The following ADAMTSL1 variants were observed in gnomAD, a reference collection of about 807,000 sequenced individuals.
ADAMTSL1 encodes the protein ADAMTS-like protein 1.
ADAMTSL1 carries 126 observed loss-of-function variants against 201.8 expected under a neutral mutation model. The observed-to-expected ratio is 0.62, with a 90% confidence interval of 0.54 to 0.72. ADAMTSL1 has a LOEUF of 0.72. Among genes scored for constraint, ADAMTSL1 ranks in the 30% least tolerant of loss-of-function variants. The pLI, the probability that ADAMTSL1 is intolerant of heterozygous loss-of-function variation, is 0.00. For synonymous variants in ADAMTSL1, 1,121 were observed against 903.4 expected (o/e 1.24, Z -4.32); for missense variants, 2,679 against 2,277.8 (o/e 1.18, Z -3.59).
chr9:18,327,385 A>T (rs999309609), intron 2 of ADAMTSL1, among the ~76,000 whole-genome samples: 6 of 152,260 alleles, frequency 3.9e-5, no homozygotes, highest in African/African-American at 4.8e-5. Flanking sequence ...CCCTATGGGC[A>T]TACTTTCTCT....
intron 1 of ADAMTSL1, among the ~76,000 whole-genome samples, chr9:17,920,741 A>T (rs1047348438): frequency 2.0e-5 from 3 of 152,210 alleles, no homozygotes; most frequent in Non-Finnish European, 4.4e-5. Context: ...AAAGGGAAAT[A>T]GTGTAAATGT....
intron 1 of ADAMTSL1, among the ~76,000 whole-genome samples, chr9:18,008,902 G>C (rs757827158): frequency 1.3e-5 from 2 of 151,946 alleles, no homozygotes; most frequent in Admixed American, 1.3e-4. Context: ...AATTTGCTTT[G>C]TTTCACTGTT....
intron 3 of ADAMTSL1, among the ~76,000 whole-genome samples, chr9:18,563,426 C>G (rs558998505): frequency 6.6e-6 from 1 of 152,294 alleles, no homozygotes; most frequent in Admixed American, 6.5e-5. Context: ...AGCTGGAGCT[C>G]TCCTATATGA....
intron 13 of ADAMTSL1, among the ~76,000 whole-genome samples, chr9:18,699,031 A>G (rs560816711): frequency 3.2e-4 from 48 of 152,356 alleles, no homozygotes; most frequent in East Asian, 7.7e-4. Flanking sequence ...AAGAGCCAGT[A>G]GTCTCTGGAT....
intron 15 of ADAMTSL1, among the ~76,000 whole-genome samples, chr9:18,753,009 A>G (rs1588045461): frequency 6.6e-6 from 1 of 152,202 alleles, no homozygotes; most frequent in Non-Finnish European, 1.5e-5. Flanking sequence ...TCTTATTTTG[A>G]TGAAGTTTAT....
At chr9:18,341,629 GTATT>G (rs894484846) in intron 2 of ADAMTSL1, among the ~76,000 whole-genome samples, 4 of 152,098 alleles carry the variant, frequency 2.6e-5, no homozygotes, top group African/African-American at 4.8e-5. Context: ...TATTTAATAA[GTATT>G]TAGTTGAATA....
chr9:18,217,926 G>T (rs1302939952), intron 2 of ADAMTSL1, among the ~76,000 whole-genome samples: 2 of 152,088 alleles, frequency 1.3e-5, no homozygotes, highest in African/African-American at 2.4e-5. Flanking sequence ...GGGAGTGGGG[G>T]TAAGGGTGTC....
intron 15 of ADAMTSL1, among the ~76,000 whole-genome samples, chr9:18,747,668 A>G (rs1819227065): frequency 6.6e-6 from 1 of 152,154 alleles, no homozygotes; most frequent in Non-Finnish European, 1.5e-5. Flanking sequence ...TCATTTAAGT[A>G]CGATATAAAT....
chr9:18,113,519 G>A (rs1041820944), intron 1 of ADAMTSL1, among the ~76,000 whole-genome samples: 1 of 152,176 alleles, frequency 6.6e-6, no homozygotes, highest in East Asian at 1.9e-4. Flanking sequence ...TTGAGCTAGA[G>A]CAGAAAGAAA....
intron 2 of ADAMTSL1, among the ~76,000 whole-genome samples, chr9:18,399,974 T>C (rs1430730368): frequency 6.6e-6 from 1 of 152,284 alleles, no homozygotes; most frequent in East Asian, 1.9e-4. Context: ...TTAGATATAC[T>C]GTAGCACTGA....
Position 18,661,975 on chromosome 9 carries a change from C to T in ADAMTSL1, c.987C>T (p.Ser329=). ...CGGCTGAGTGCTACGATCTGAGGAG[C>T]AACCGTGTGGTTGCTGACCAATACT... ...LTSAECYDLR[S]NRVVADQYCH... The change falls in exon 9 of 29, where the codon AGC becomes AGT. Residue 329 remains serine (S), a synonymous_variant. Coordinates refer to ENST00000380548, the MANE Select transcript of ADAMTSL1 (RefSeq NM_001040272.6). 6.2e-7 allele frequency: 1 copy of T among 1,614,032 alleles called. No homozygotes were observed. The highest frequency in any genetic ancestry group is 8.5e-7 in the Non-Finnish European group (1 of 1,179,932).
intron 2 of ADAMTSL1, among the ~76,000 whole-genome samples, chr9:18,523,472 T>G (rs1818830826): frequency 1.3e-5 from 2 of 152,228 alleles, no homozygotes; most frequent in South Asian, 4.1e-4. Flanking sequence ...AGTTCTGGCT[T>G]TTGTTGCCAC....
Position 18,106,210 on chromosome 9 carries a change from C to T in ADAMTSL1, c.88-57652C>T, listed in dbSNP as rs1435177458. On this transcript the variant is annotated intron_variant, in intron 1 of 29. Coordinates refer to the ADAMTSL1 transcript ENST00000680146. ...GCCCCCTAACTTGCATCTTGTTCTC[C>T]CTGCTTCTGAATGAAAGCAGCTAAC... Among the ~76,000 whole-genome samples the T allele has an allele frequency of 3.3e-5, 5 of 152,156 alleles. No homozygotes were observed. The South Asian group carries it at 6.2e-4, about 19-fold the overall frequency.
chr9:18,473,605 A>G (rs1821307003), upstream of ADAMTSL1, among the ~76,000 whole-genome samples: 1 of 152,172 alleles, frequency 6.6e-6, no homozygotes, highest in Admixed American at 6.5e-5. Context: ...GTAAAGAGGA[A>G]CTTTATGGAG....
intron 2 of ADAMTSL1, among the ~76,000 whole-genome samples, chr9:18,419,527 C>T (rs1183709698): frequency 6.6e-6 from 1 of 152,072 alleles, no homozygotes; most frequent in African/African-American, 2.4e-5. Flanking sequence ...CCTTCATAAG[C>T]ACCCCAAAAT....
chr9:18,369,478 A>G (rs181838597), intron 2 of ADAMTSL1, among the ~76,000 whole-genome samples: 3 of 152,326 alleles, frequency 2.0e-5, no homozygotes, highest in Non-Finnish European at 2.9e-5. Context: ...TCAAAAAACA[A>G]CAAGTGTTGG....
intron 1 of ADAMTSL1, among the ~76,000 whole-genome samples, chr9:18,160,847 ATTTTTT>A (rs35532729): frequency 1.7e-5 from 2 of 119,284 alleles, no homozygotes; most frequent in African/African-American, 3.1e-5. Context: ...ACCTGGCTAA[ATTTTTT>A]TTTTTTTTTT....
chr9:18,099,355 A>ATATATATATATATATTT (rs1239180390), intron 1 of ADAMTSL1, among the ~76,000 whole-genome samples: 2 of 45,554 alleles, frequency 4.4e-5, no homozygotes, highest in Non-Finnish European at 8.1e-5. Flanking sequence ...ATATATATAT[A>ATATATATATATATATTT]TTTTTTTTTT....
Position 18,567,020 on chromosome 9 carries a change from C to T in ADAMTSL1, c.238-7010C>T, listed in dbSNP as rs187339377. On this transcript the variant is annotated intron_variant, in intron 3 of 28. Coordinates refer to ENST00000380548, the MANE Select transcript of ADAMTSL1 (RefSeq NM_001040272.6). ...GCCAAATTAGCAACATTCGCATCAC[C>T]TGGGATCTTGTTTGAAATGCAAATT... is the stretch of plus-strand genomic sequence containing the variant. 7.2e-5 allele frequency among the ~76,000 whole-genome samples: 11 copies of T among 152,272 alleles called. No individual in the cohort carries two copies. The East Asian group carries it at 1.7e-3, about 24-fold the overall frequency.
Sources: gnomAD v4.1 joint callset for allele counts (sites outside exome capture counted in the v4.1 genomes callset) on GRCh38, gnomAD v4.1.1 for gene constraint, MANE v1.5 for transcripts, NCBI Gene and HGNC (gene_info 2026-07-23, HGNC 2026-07-21) for gene names.